The following ABCA8 variants were observed in gnomAD, a reference collection of about 807,000 sequenced individuals.
ABCA8 encodes the protein ABC-type organic anion transporter ABCA8.
Under a neutral mutation model 192.3 loss-of-function variants are expected in ABCA8, and 177 were observed. The ratio of observed to expected loss-of-function variants is 0.92; its 90% CI spans 0.81 to 1.04. The LOEUF (loss-of-function observed/expected upper bound fraction) is 1.04, where lower values mean the gene tolerates loss of function less well. ABCA8 is among the 50% of genes least tolerant of loss of function. The pLI, the probability that ABCA8 is intolerant of heterozygous loss-of-function variation, is 0.00. For missense variants in ABCA8, 1,915 were observed against 1,904.8 expected, an observed-to-expected ratio of 1.01 and a Z score of -0.10; for synonymous variants, 642 against 690.2, an observed-to-expected ratio of 0.93 and a Z score of 1.09.
At chr17:68,909,563 C>A (rs2067181836) in intron 17 of ABCA8, among the ~76,000 whole-genome samples, 1 of 152,116 alleles carries the variant, frequency 6.6e-6, no homozygotes, top group African/African-American at 2.4e-5. Flanking sequence ...GTGTGCCAGG[C>A]AGTCTCTTAT....
chr17:68,893,826 G>A (rs867938395), intron 23 of ABCA8, among the ~76,000 whole-genome samples: 7 of 147,308 alleles, frequency 4.8e-5, no homozygotes, highest in East Asian at 2.0e-4. Context: ...ATGCTGGTGC[G>A]CTGCACCCAC....
intron 4 of ABCA8, 91 bp from the exon 5 acceptor site, chr17:68,937,206 C>G: frequency 9.1e-7 from 1 of 1,101,468 alleles, no homozygotes; most frequent in South Asian, 1.7e-5. Flanking sequence ...CTAGAGTTTT[C>G]TATGGAAATA....
intron 12 of ABCA8, among the ~76,000 whole-genome samples, 171 bp downstream of exon 12, chr17:68,922,071 C>A (rs534258497): frequency 1.3e-5 from 2 of 151,826 alleles, no homozygotes; most frequent in Non-Finnish European, 1.5e-5. Flanking sequence ...AAAAAAAAGT[C>A]TTATGCAGCT....
At position 68,876,244 on chromosome 17, in the gene ABCA8, C is replaced by T. The variant is rs1020584626; in HGVS notation, c.4370+216G>A. ...AACTCAAGAGTGAGACCTATGGGCC[C>T]TAACAATGGTAATTCTTTCTTCAAT... On this transcript the variant is annotated intron_variant, in intron 35 of 39. Transcript: ENST00000586539. The T allele has an allele frequency of 1.0e-4, 64 of 620,970 alleles. No homozygotes were observed. In the East Asian group the frequency reaches 1.8e-3, roughly 18 times the overall value. 38.5% of individuals were successfully genotyped at this position (620,970 alleles called of 1,614,324 possible). A position where few individuals can be genotyped will look rare whatever the true frequency, so the allele number is the denominator to read the frequency against.
chr17:68,944,467 G>A (rs147289681), intron 2 of ABCA8: 77 of 150,414 alleles, frequency 5.1e-4, no homozygotes, highest in African/African-American at 1.8e-3. Flanking sequence ...GGCAAATCTA[G>A]AAACCTTGGT....
At chr17:68,900,862 A>T (rs886746111) in intron 21 of ABCA8, among the ~76,000 whole-genome samples, 1 of 152,204 alleles carries the variant, frequency 6.6e-6, no homozygotes, top group Non-Finnish European at 1.5e-5. Context: ...ACATCTGTTC[A>T]TAATGACAAC....
chr17:68,893,545 T>C (rs1296737837), intron 23 of ABCA8, among the ~76,000 whole-genome samples: 1 of 152,164 alleles, frequency 6.6e-6, no homozygotes, highest in Admixed American at 6.5e-5. Context: ...CTAAAAGTAA[T>C]AATAAAGCCC....
chr17:68,884,544 T>C, intron 27 of ABCA8, 148 bp from the exon 28 acceptor site: 1 of 1,335,624 alleles, frequency 7.5e-7, no homozygotes, highest in Non-Finnish European at 9.6e-7. Context: ...AGCAAGGGGC[T>C]GTCTTCCTTC....
chr17:68,913,879 G>T (rs2067283656), intron 17 of ABCA8, among the ~76,000 whole-genome samples: 1 of 151,724 alleles, frequency 6.6e-6, no homozygotes, highest in Non-Finnish European at 1.5e-5. Flanking sequence ...GGCCAGATAT[G>T]ACTGGAATAT....
chr17:68,918,715 C>T (rs762839706), intron 14 of ABCA8, among the ~76,000 whole-genome samples, 169 bp from the exon 15 acceptor site: 22 of 151,942 alleles, frequency 1.4e-4, no homozygotes, highest in Non-Finnish European at 2.5e-4. Flanking sequence ...GGGCAGATAA[C>T]GAGGTGAGGA....
At position 68,940,970 on chromosome 17, in the gene ABCA8, A is replaced by G; in HGVS notation, c.97-8T>C. 1.3e-6 allele frequency: 2 copies of G among 1,570,900 alleles called. No homozygotes were observed. Among genetic ancestry groups the G allele is most frequent in the Non-Finnish European group, 1.7e-6 (2 of 1,145,786 alleles). On this transcript the variant is annotated splice_region_variant and splice_polypyrimidine_tract_variant and intron_variant, in intron 3 of 39. Transcript: ENST00000586539. ...CAATGAATTCAGCCATTCCTATATA[A>G]TACAGGAAAAAAGATAAAGAAAAGT...
intron 17 of ABCA8, among the ~76,000 whole-genome samples, chr17:68,909,588 C>T (rs894434553): frequency 6.6e-6 from 1 of 151,994 alleles, no homozygotes; most frequent in African/African-American, 2.4e-5. Flanking sequence ...TTTTCTATAA[C>T]CTTTACTTGT....
At position 68,895,504 on chromosome 17, in the gene ABCA8, AT is replaced by A. The variant is rs199669806; in HGVS notation, c.2765-492del. On this transcript the variant is annotated intron_variant, in intron 21 of 39. Coordinates refer to ENST00000586539, the MANE Select transcript of ABCA8 (RefSeq NM_001288985.2). The stretch of plus-strand genomic sequence containing the variant: ...AACCAACAAATTAAAATGTTTTGAA[AT>A]TGTTATAAGAGCATACAGAAAATGA... Among the ~76,000 whole-genome samples the A allele has an allele frequency of 5.1e-4, 78 of 152,342 alleles. No homozygotes were observed. The East Asian group carries it at 0.015, about 29-fold the overall frequency.
intron 2 of ABCA8, among the ~76,000 whole-genome samples, chr17:68,945,106 T>C (rs577190049): frequency 6.6e-6 from 1 of 152,236 alleles, no homozygotes; most frequent in East Asian, 1.9e-4. Flanking sequence ...GGGTCTCCTT[T>C]ACTGCTTGGG....
At chr17:68,935,540 C>CTATATATATATATA (rs6146128) in intron 5 of ABCA8, among the ~76,000 whole-genome samples, 6,191 of 86,006 alleles carry the variant, frequency 0.072, 360 homozygotes, top group African/African-American at 0.096. Flanking sequence ...AGTAGTATTC[C>CTATATATATATATA]TATATATATA....
At chr17:68,920,214 C>T (rs115297707) in intron 13 of ABCA8, among the ~76,000 whole-genome samples, 1 of 151,914 alleles carries the variant, frequency 6.6e-6, no homozygotes, top group Admixed American at 6.6e-5. Context: ...AACTTATGAA[C>T]ACAAAAAGGC....
intron 24 of ABCA8, among the ~76,000 whole-genome samples, chr17:68,890,296 T>C (rs977001651): frequency 6.6e-6 from 1 of 152,220 alleles, no homozygotes; most frequent in South Asian, 2.1e-4. Flanking sequence ...TGATTGCTCA[T>C]GACATTAACC....
rs530586208 is a variant in ABCA8 at position 68,921,670 on chromosome 17, C to G, written c.1502-178G>C. 3.9e-5 allele frequency among the ~76,000 whole-genome samples: 6 copies of G among 152,184 alleles called. No homozygotes were observed. In the East Asian group the frequency reaches 1.2e-3, roughly 29 times the overall value. ...TTCAAAATAAAACATTAAAAGTTCC[C>G]TCTATAAACTTATTTCTCAAAATAG... is the stretch of plus-strand genomic sequence containing the variant. On this transcript the variant is annotated intron_variant, in intron 12 of 39. Coordinates refer to ENST00000586539, the MANE Select transcript of ABCA8 (RefSeq NM_001288985.2).
chr17:68,870,695 T>G (rs2066025162), intron 37 of ABCA8, among the ~76,000 whole-genome samples: 1 of 152,226 alleles, frequency 6.6e-6, no homozygotes, highest in Non-Finnish European at 1.5e-5. Flanking sequence ...CAAGGTCAGA[T>G]AGTATTTCAT....
Sources: allele counts gnomAD v4.1 joint callset (sites outside exome capture counted in the v4.1 genomes callset), GRCh38; gene constraint gnomAD v4.1.1; transcripts MANE v1.5; gene names NCBI Gene and HGNC (gene_info 2026-07-23, HGNC 2026-07-21).